RIMKLB: variants seen among roughly 807,000 people sequenced by gnomAD.
The protein encoded by RIMKLB is beta-citrylglutamate synthase B.
In RIMKLB, 7 loss-of-function variants were observed where a neutral mutation model predicts 32.0. The ratio of observed to expected loss-of-function variants is 0.22; its 90% confidence interval spans 0.12 to 0.41. The LOEUF is 0.41. Ranked by LOEUF, RIMKLB falls within the 10% of genes least tolerant of loss-of-function variation. The probability of loss-of-function intolerance (pLI) is 1.00; values close to 1 mark genes in which losing one functional copy is unlikely to be tolerated. For synonymous variants in RIMKLB, 172 were observed against 185.1 expected (o/e 0.93, Z 0.57); for missense variants, 289 against 498.7 (o/e 0.58, Z 4.00).
chr12:8,760,873 T>A (rs990796403), intron 5 of RIMKLB, among the ~76,000 whole-genome samples: 3 of 152,214 alleles, frequency 2.0e-5, no homozygotes, highest in Admixed American at 6.5e-5. Flanking sequence ...TGCAAAAATT[T>A]TCTCCCATTC....
upstream of RIMKLB, chr12:8,697,469 T>TA (rs1417789283): frequency 4.0e-5 from 6 of 150,828 alleles, no homozygotes; most frequent in African/African-American, 1.5e-4. Flanking sequence ...CCCGAGGGGG[T>TA]AGGGGGCTCG....
At chr12:8,720,826 C>G (rs887798618) in intron 2 of RIMKLB, among the ~76,000 whole-genome samples, 2 of 152,152 alleles carry the variant, frequency 1.3e-5, no homozygotes, top group Non-Finnish European at 2.9e-5. Flanking sequence ...AGGCATGAGC[C>G]ACCGCGCCTG....
At chr12:8,695,885 G>T (rs375880356), upstream of RIMKLB, among the ~76,000 whole-genome samples, 1 of 152,018 alleles carries the variant, frequency 6.6e-6, no homozygotes, top group East Asian at 1.9e-4. Flanking sequence ...TAGAGACAAG[G>T]TTTCTCTATG....
downstream of RIMKLB, among the ~76,000 whole-genome samples, chr12:8,781,007 C>T (rs1191058142): frequency 6.6e-6 from 1 of 152,106 alleles, no homozygotes; most frequent in Non-Finnish European, 1.5e-5. Flanking sequence ...TTTTAATTTG[C>T]AAGATAAATA....
chr12:8,763,181 C>CTAA (rs1218218060), intron 5 of RIMKLB, among the ~76,000 whole-genome samples: 1 of 152,232 alleles, frequency 6.6e-6, no homozygotes, highest in East Asian at 1.9e-4. Context: ...AACAATGAGG[C>CTAA]TAACCCTTTG....
intron 2 of RIMKLB, among the ~76,000 whole-genome samples, chr12:8,743,837 G>A (rs954487760): frequency 8.6e-5 from 13 of 151,868 alleles, no homozygotes; most frequent in Admixed American, 5.9e-4. Flanking sequence ...ACACTGATCC[G>A]AAACTTATAT....
In RIMKLB at chr12:8,762,406, A is replaced by G. The variant is rs139148912; in HGVS notation, c.697+8313A>G. On this transcript the variant is annotated intron_variant, in intron 5 of 5. Coordinates refer to ENST00000535829, the MANE Select transcript of RIMKLB (RefSeq NM_001297776.2). ...TACCCCATGCTAGGGTCCTTCTATA[A>G]GCATTTCTAATGGAGGGTCCTGCCT... Among the ~76,000 whole-genome samples the G allele has an allele frequency of 2.4e-3, 358 of 151,204 alleles. 4 individuals carry two copies. Among genetic ancestry groups the G allele is most frequent in the African/African-American group, 8.4e-3 (346 of 41,126 alleles).
Position 8,783,071 on chromosome 12 carries a change from G to T in RIMKLB, c.*457G>T, listed in dbSNP as rs948958509. ...TGATTCCGTCTGTTTTCTAAATAAAGACACTATGCGCTGGAAATAACATAG... is the reference window on the plus strand; with the variant it reads ...TGATTCCGTCTGTTTTCTAAATAAATACACTATGCGCTGGAAATAACATAG... On this transcript the variant is annotated 3_prime_UTR_variant, in exon 8 of 8. Transcript: ENST00000619374. The T allele has an allele frequency of 1.3e-5, 2 of 152,186 alleles. 1 individual carries two copies. Among genetic ancestry groups the T allele is most frequent in the Non-Finnish European group, 2.9e-5 (2 of 68,022 alleles). The allele number at this position is 152,186 out of a possible 1,614,324, so 9.4% of individuals were successfully genotyped here.
intron 1 of RIMKLB, among the ~76,000 whole-genome samples, chr12:8,712,519 G>A (rs1032196727): frequency 1.3e-5 from 2 of 152,230 alleles, no homozygotes; most frequent in African/African-American, 2.4e-5. Flanking sequence ...ATGTGTGTAA[G>A]CTGAGTTACT....
intron 1 of RIMKLB, among the ~76,000 whole-genome samples, chr12:8,708,529 CT>C (rs1314599228): frequency 6.6e-6 from 1 of 152,016 alleles, no homozygotes; most frequent in East Asian, 1.9e-4. Flanking sequence ...TGAACTTTTC[CT>C]TTGTTTATTA....
rs1296960908 is a variant in RIMKLB at position 8,718,667 on chromosome 12, A to ATG, written c.175+4627_175+4628insGT. Reference sequence around the variant, plus strand: ...TCTCTCTCTCTCTATATATATATATATATGTGTGTGTGTGTGTGTGTGTGT... The same window carrying ATG: ...TCTCTCTCTCTCTATATATATATATATGTATGTGTGTGTGTGTGTGTGTGTGT... On this transcript the variant is annotated intron_variant, in intron 2 of 5. Transcript: ENST00000535829. Among the ~76,000 whole-genome samples the ATG allele has an allele frequency of 9.1e-3, 1,211 of 132,690 alleles. 16 individuals carry two copies. Among genetic ancestry groups the ATG allele is most frequent in the East Asian group, 0.049 (231 of 4,688 alleles). 87.0% of individuals were successfully genotyped at this position (132,690 alleles called of 152,430 possible).
intron 2 of RIMKLB, among the ~76,000 whole-genome samples, chr12:8,744,601 C>T (rs1947901564): frequency 6.6e-6 from 1 of 151,486 alleles, no homozygotes; most frequent in South Asian, 2.1e-4. Context: ...ATTGTTCTCT[C>T]CTGATTTTCT....
At chr12:8,724,712 G>A (rs1437796584) in intron 2 of RIMKLB, among the ~76,000 whole-genome samples, 1 of 152,170 alleles carries the variant, frequency 6.6e-6, no homozygotes, top group Admixed American at 6.5e-5. Context: ...CTTGGCACCT[G>A]GGTCTACAGT....
chr12:8,709,806 A>T (rs898821751), intron 1 of RIMKLB, among the ~76,000 whole-genome samples: 2 of 152,128 alleles, frequency 1.3e-5, no homozygotes, highest in African/African-American at 4.8e-5. Flanking sequence ...GTTCTATTTT[A>T]TTGCTAACAT....
At chr12:8,718,669 A>ATGTGTGTGTG (rs1182850325) in intron 2 of RIMKLB, among the ~76,000 whole-genome samples, 41 of 116,206 alleles carry the variant, frequency 3.5e-4, no homozygotes, top group South Asian at 1.2e-3. Context: ...ATATATATAT[A>ATGTGTGTGTG]TGTGTGTGTG....
At chr12:8,717,757 G>A (rs758575690) in intron 2 of RIMKLB, among the ~76,000 whole-genome samples, 3 of 152,104 alleles carry the variant, frequency 2.0e-5, no homozygotes, top group Non-Finnish European at 4.4e-5. Flanking sequence ...ATCTTCTAAC[G>A]TACTGTAGTC....
downstream of RIMKLB, among the ~76,000 whole-genome samples, chr12:8,781,159 G>A (rs1272164391): frequency 6.6e-6 from 1 of 152,164 alleles, no homozygotes; most frequent in African/African-American, 2.4e-5. Context: ...TGGCAAACAT[G>A]GAGAAACCCC....
chr12:8,690,662 C>G (rs777972057), intron 1 of RIMKLB, among the ~76,000 whole-genome samples: 9 of 152,172 alleles, frequency 5.9e-5, no homozygotes, highest in African/African-American at 1.9e-4. Context: ...CAGTGGCTCA[C>G]GCCTGTAATC....
intron 1 of RIMKLB, among the ~76,000 whole-genome samples, chr12:8,684,021 T>C (rs1421754568): frequency 6.6e-6 from 1 of 152,144 alleles, no homozygotes; most frequent in African/African-American, 2.4e-5. Context: ...GTGCTGGGAT[T>C]ATAGGCTTGA....
Sources: allele counts gnomAD v4.1 joint callset (sites outside exome capture counted in the v4.1 genomes callset), GRCh38; gene constraint gnomAD v4.1.1; transcripts MANE v1.5; gene names NCBI Gene and HGNC (gene_info 2026-07-23, HGNC 2026-07-21).